RMDN1: variants seen among roughly 807,000 people sequenced by gnomAD.
RMDN1 encodes the protein regulator of microtubule dynamics 1, also known as regulator of microtubule dynamics protein 1.
RMDN1 carries 48 observed loss-of-function variants against 48.9 expected under a neutral mutation model. That is an observed-to-expected ratio of 0.98 (90% CI 0.78 to 1.25). The LOEUF is 1.25. Ranked by LOEUF, RMDN1 falls within the 50% of genes most tolerant of loss-of-function variation. The pLI is 0.00. For missense variants in RMDN1, 418 were observed against 373.4 expected, an observed-to-expected ratio of 1.12 and a Z score of -0.98; for synonymous variants, 148 against 132.6, an observed-to-expected ratio of 1.12 and a Z score of -0.80.
At chr8:86,503,390 C>CAAAAAAAAAAAAAACAAAACAAAACA (rs1405705068) in intron 2 of RMDN1, among the ~76,000 whole-genome samples, 70 of 56,460 alleles carry the variant, frequency 1.2e-3, no homozygotes, top group South Asian at 4.7e-3. Flanking sequence ...AAAAAAAAAA[C>CAAAAAAAAAAAAAACAAAACAAAACA]AAAAAAAAAT....
At chr8:86,479,312 T>C (rs1330210062) in intron 6 of RMDN1, among the ~76,000 whole-genome samples, 1 of 152,148 alleles carries the variant, frequency 6.6e-6, no homozygotes, top group Non-Finnish European at 1.5e-5. Context: ...CTTGTAACAA[T>C]TATATATGAG....
At chr8:86,479,359 C>T (rs903613192) in intron 6 of RMDN1, among the ~76,000 whole-genome samples, 2 of 152,028 alleles carry the variant, frequency 1.3e-5, no homozygotes, top group African/African-American at 4.8e-5. Context: ...ATAAGAAAAA[C>T]TCAGAGAAGT....
chr8:86,514,177 A>G (rs1407375625), intron 1 of RMDN1: 1 of 840,228 alleles, frequency 1.2e-6, no homozygotes, highest in South Asian at 5.5e-5. Context: ...TATGGCATAA[A>G]TTTTCTCAAA....
Position 86,473,385 on chromosome 8 carries a change from CTTAAGTT to C in RMDN1, c.*916_*922del. ...AAACATCTTAGTATTCCATTTCACT[CTTAAGTT>C]TTGTGTTCCTTCCATTCCATTAGGG... On this transcript the variant is annotated 3_prime_UTR_variant, in exon 10 of 10. Transcript: ENST00000406452. 1.0e-6 allele frequency: 1 copy of C among 985,430 alleles called. No individual in the cohort carries two copies. Among genetic ancestry groups the C allele is most frequent in the Non-Finnish European group, 1.2e-6 (1 of 829,926 alleles). 61.0% of individuals were successfully genotyped at this position (985,430 alleles called of 1,614,324 possible).
Position 86,485,187 on chromosome 8 carries a change from G to T in RMDN1, c.496-226C>A, listed in dbSNP as rs577759096. On this transcript the variant is annotated intron_variant, in intron 4 of 9. Coordinates refer to ENST00000406452, the MANE Select transcript of RMDN1 (RefSeq NM_016033.3). ...GGCTCACGCCTGTAACAGTACTTTG[G>T]GAGGCCGAGGTGGATGGATCACCTG... is the stretch of plus-strand genomic sequence containing the variant. Among the ~76,000 whole-genome samples the T allele has an allele frequency of 2.6e-5, 4 of 152,308 alleles. No individual in the cohort carries two copies. In the South Asian group the frequency reaches 6.2e-4, roughly 24 times the overall value.
At chr8:86,487,180 T>C (rs1815618659) in intron 3 of RMDN1, among the ~76,000 whole-genome samples, 1 of 152,238 alleles carries the variant, frequency 6.6e-6, no homozygotes, top group African/African-American at 2.4e-5. Flanking sequence ...TATGTTTGAA[T>C]ACCATGCCAT....
intron 2 of RMDN1, among the ~76,000 whole-genome samples, chr8:86,490,069 A>G (rs964989282): frequency 6.6e-5 from 10 of 152,164 alleles, no homozygotes; most frequent in Non-Finnish European, 1.0e-4. Context: ...TAATATTCAT[A>G]TGGCTGGTTA....
intron 1 of RMDN1, among the ~76,000 whole-genome samples, chr8:86,507,891 G>A (rs1409748940): frequency 6.6e-6 from 1 of 152,130 alleles, no homozygotes; most frequent in Non-Finnish European, 1.5e-5. Context: ...TAGTTCATGT[G>A]AAATATATCA....
At chr8:86,479,059 C>A in intron 6 of RMDN1, 49 bp from the exon 7 acceptor site, 1 of 1,362,956 alleles carries the variant, frequency 7.3e-7, no homozygotes. Flanking sequence ...ACCTTCTTTT[C>A]TCTTAAAGTT....
At chr8:86,500,765 C>T (rs1326580716) in intron 2 of RMDN1, among the ~76,000 whole-genome samples, 1 of 152,132 alleles carries the variant, frequency 6.6e-6, no homozygotes, top group Non-Finnish European at 1.5e-5. Flanking sequence ...CTGCACTGTT[C>T]ACATTAGCAA....
chr8:86,491,641 T>C (rs1447839269), intron 2 of RMDN1, among the ~76,000 whole-genome samples: 1 of 152,194 alleles, frequency 6.6e-6, no homozygotes, highest in Admixed American at 6.5e-5. Context: ...TATTTTCAAC[T>C]TAATAAGCAA....
At chr8:86,480,764 TTA>T (rs1814253641) in intron 5 of RMDN1, among the ~76,000 whole-genome samples, 1 of 152,126 alleles carries the variant, frequency 6.6e-6, no homozygotes, top group Non-Finnish European at 1.5e-5. Flanking sequence ...TTTTAGTTTT[TTA>T]GAAAAAATGT....
At chr8:86,514,251 A>G (rs1233178515) in exon 1 of RMDN1, 1 of 985,062 alleles carries the variant, frequency 1.0e-6, no homozygotes, top group Non-Finnish European at 1.2e-6. Context: ...CCTTAAAGTC[A>G]GTTTTGCCTT....
rs769024706 is a variant in RMDN1, at chr8:86,478,995, G to A, written c.657C>T (p.Ala219=). The A allele has an allele frequency of 5.5e-5, 89 of 1,613,312 alleles. No individual in the cohort carries two copies. Among genetic ancestry groups the A allele is most frequent in the South Asian group, 2.9e-4 (26 of 91,050 alleles). Residue 219 remains alanine, a synonymous_variant, in exon 7 of 10, where the codon GCC becomes GCT. Transcript: ENST00000406452. ...TTCTTCTTTGATACCAAGGCATTTCGGCAAATGTATAGCACCTACAGGGAA... is the reference window on the plus strand; with the variant it reads ...TTCTTCTTTGATACCAAGGCATTTCAGCAAATGTATAGCACCTACAGGGAA... ...HLMGIWCYTF[A]EMPWYQRRIA...
chr8:86,493,453 C>T (rs1398057210), intron 2 of RMDN1, among the ~76,000 whole-genome samples: 2 of 151,908 alleles, frequency 1.3e-5, no homozygotes, highest in Non-Finnish European at 2.9e-5. Context: ...ATGGATTAAA[C>T]AAAAAAAGTA....
At chr8:86,482,446 G>A in intron 5 of RMDN1, 1 of 499,462 alleles carries the variant, frequency 2.0e-6, no homozygotes. Context: ...GCAGTCTTAA[G>A]TTGACAGCAA....
At chr8:86,484,040 C>G (rs1815029630) in intron 5 of RMDN1, among the ~76,000 whole-genome samples, 1 of 152,134 alleles carries the variant, frequency 6.6e-6, no homozygotes, top group Non-Finnish European at 1.5e-5. Context: ...AAGACTGTTA[C>G]ACTGGACCAC....
At position 86,505,672 on chromosome 8, in the gene RMDN1, A is replaced by G. The variant is rs529029038; in HGVS notation, c.247+1323T>C. Among the ~76,000 whole-genome samples the G allele has an allele frequency of 3.3e-5, 5 of 152,326 alleles. No individual in the cohort carries two copies. The South Asian group carries it at 1.0e-3, about 32-fold the overall frequency. On this transcript the variant is annotated intron_variant, in intron 2 of 9. Coordinates refer to ENST00000406452, the MANE Select transcript of RMDN1 (RefSeq NM_016033.3). ...ATTTTTTTAAGTGTAATTTTGCCAA[A>G]TAATAAAAACAGAAGGAAATTGAGA...
chr8:86,477,479 C>T lies in RMDN1; in HGVS notation c.730-155G>A, dbSNP rs181247257. The T allele has an allele frequency of 4.9e-5, 28 of 570,530 alleles. No homozygotes were observed. In the Admixed American group the frequency reaches 9.3e-4, roughly 19 times the overall value. 35.3% of individuals were successfully genotyped at this position (570,530 alleles called of 1,614,324 possible). A position where few individuals can be genotyped will look rare whatever the true frequency, so the allele number is the denominator to read the frequency against. ...TCACTTCTTCAACAGTGAGAGTTAA[C>T]ACCCAAAGTGAACGTAACACTTCAA... On this transcript the variant is annotated intron_variant, in intron 7 of 9. Coordinates refer to ENST00000406452, the MANE Select transcript of RMDN1 (RefSeq NM_016033.3).
Sources: allele counts gnomAD v4.1 joint callset (sites outside exome capture counted in the v4.1 genomes callset), GRCh38; gene constraint gnomAD v4.1.1; transcripts MANE v1.5; gene names NCBI Gene and HGNC (gene_info 2026-07-23, HGNC 2026-07-21).